The following ATAD2B variants were observed in gnomAD, a reference collection of about 807,000 sequenced individuals.
ATAD2B encodes ATPase family AAA domain containing 2B, also known as ATPase family AAA domain-containing protein 2B.
In ATAD2B, 40 loss-of-function variants were observed where a neutral mutation model predicts 167.6. The observed-to-expected ratio is 0.24, with a 90% confidence interval of 0.19 to 0.31. The LOEUF is 0.31. Ranked by LOEUF, ATAD2B falls within the 10% of genes least tolerant of loss-of-function variation. The pLI, the probability that ATAD2B is intolerant of heterozygous loss-of-function variation, is 1.00. For synonymous variants in ATAD2B, 579 were observed against 596.5 expected (o/e 0.97, Z 0.43); for missense variants, 1,242 against 1,757.2 (o/e 0.71, Z 5.24).
chr2:23,779,643 G>A (rs938894365), intron 22 of ATAD2B, among the ~76,000 whole-genome samples: 8 of 151,926 alleles, frequency 5.3e-5, no homozygotes, highest in Non-Finnish European at 8.8e-5. Context: ...ATTTATCAGC[G>A]TTTATAAAAG....
intron 18 of ATAD2B, among the ~76,000 whole-genome samples, chr2:23,807,905 TA>T (rs1256486988): frequency 4.5e-5 from 6 of 132,144 alleles, no homozygotes; most frequent in Non-Finnish European, 9.4e-5. Context: ...ATAAAATATA[TA>T]AATATAAATA....
the ATAD2B span, chr2:23,696,039 G>T: frequency 1.9e-6 from 3 of 1,551,752 alleles, no homozygotes; most frequent in South Asian, 3.6e-5. The surrounding 1 kb of genome is among the most constrained non-coding windows in gnomAD (Gnocchi z 5.5). Context: ...GCTGGAACCC[G>T]CAGAACAACA....
chr2:23,832,985 G>A (rs1472403706), intron 14 of ATAD2B, among the ~76,000 whole-genome samples: 1 of 152,156 alleles, frequency 6.6e-6, no homozygotes, highest in Non-Finnish European at 1.5e-5. Context: ...CTGCACTTGG[G>A]CAATGAAAAT....
chr2:23,683,719 G>C, the ATAD2B span, among the ~76,000 whole-genome samples: 137 of 152,342 alleles, frequency 9.0e-4, 1 homozygote, highest in African/African-American at 3.1e-3. Flanking sequence ...CCCCAGGAGA[G>C]GGTGGGTGTC....
In ATAD2B at chr2:23,792,962, C is replaced by CAAAAAAAAA. The variant is rs36015161; in HGVS notation, c.2641-4324_2641-4316dup. Among the ~76,000 whole-genome samples the CAAAAAAAAA allele has an allele frequency of 1.2e-3, 51 of 42,546 alleles. 5 individuals are homozygous for CAAAAAAAAA. Among genetic ancestry groups the CAAAAAAAAA allele is most frequent in the Non-Finnish European group, 1.5e-3 (38 of 25,922 alleles). The allele number at this position is 42,546 out of a possible 152,430, so 27.9% of individuals were successfully genotyped here. A position where few individuals can be genotyped will look rare whatever the true frequency, so the allele number is the denominator to read the frequency against. Reference sequence around the variant, plus strand: ...TGGGCAACAGCGAGAGACTCTGTCTCAAAAAAAAAAAAAAAAAAAAAAAAA... The same window carrying CAAAAAAAAA: ...TGGGCAACAGCGAGAGACTCTGTCTCAAAAAAAAAAAAAAAAAAAAAAAAAAAAAAAAAA... On this transcript the variant is annotated intron_variant, in intron 19 of 27. Coordinates refer to ENST00000238789, the MANE Select transcript of ATAD2B (RefSeq NM_017552.4).
the ATAD2B span, among the ~76,000 whole-genome samples, chr2:23,698,294 G>A: frequency 6.6e-6 from 1 of 152,202 alleles, no homozygotes; most frequent in Non-Finnish European, 1.5e-5. Flanking sequence ...TGTCCTTGCA[G>A]GGGCAGGATG....
intron 2 of ATAD2B, among the ~76,000 whole-genome samples, chr2:23,891,797 C>CCGGTTTTTTCTTTTCTTTTTTTTTTTT (rs1699549101): frequency 6.6e-6 from 1 of 152,096 alleles, no homozygotes; most frequent in African/African-American, 2.4e-5. Flanking sequence ...GCCGCTGCAC[C>CCGGTTTTTTCTTTTCTTTTTTTTTTTT]TAACCCTGTT....
At chr2:23,869,830 A>G (rs1419802863) in intron 8 of ATAD2B, 69 bp from the exon 9 acceptor site, 2 of 943,628 alleles carry the variant, frequency 2.1e-6, no homozygotes, top group African/African-American at 3.3e-5. Flanking sequence ...ACACTGTAAT[A>G]TCTACAATTA....
intron 1 of ATAD2B, among the ~76,000 whole-genome samples, chr2:23,923,069 T>C (rs1704196578): frequency 6.6e-6 from 1 of 152,190 alleles, no homozygotes; most frequent in African/African-American, 2.4e-5. Context: ...ATGTTCGCAG[T>C]AGCATTATTA....
intron 25 of ATAD2B, among the ~76,000 whole-genome samples, chr2:23,755,785 G>A (rs1171558078): frequency 6.6e-6 from 1 of 152,078 alleles, no homozygotes; most frequent in Non-Finnish European, 1.5e-5. Context: ...TCAAAAACAT[G>A]TATCATGATA....
intron 13 of ATAD2B, among the ~76,000 whole-genome samples, chr2:23,843,323 A>G (rs4233703): frequency 0.43 from 65,504 of 152,112 alleles, 15,231 homozygotes; most frequent in East Asian, 0.76. Context: ...AAAAAGACTG[A>G]AAAATGACAA....
rs541455330 is a variant in ATAD2B, at chr2:23,892,406, C to T, written c.368+3413G>A. Among the ~76,000 whole-genome samples the T allele has an allele frequency of 4.0e-3, 604 of 151,994 alleles. 5 individuals carry two copies. The highest frequency in any genetic ancestry group is 0.014 in the African/African-American group (565 of 41,506). On this transcript the variant is annotated intron_variant, in intron 2 of 27. Transcript: ENST00000238789. The stretch of plus-strand genomic sequence containing the variant: ...GTCTCTATCTCCTGACCTCGTGATC[C>T]GCCCGCCTCGGCCTCCCAAAGTGCT...
At chr2:23,780,182 A>G (rs1679784220) in intron 22 of ATAD2B, among the ~76,000 whole-genome samples, 1 of 151,940 alleles carries the variant, frequency 6.6e-6, no homozygotes, top group African/African-American at 2.4e-5. Flanking sequence ...CAGGAGACAA[A>G]GGTTGCAGTG....
At chr2:23,844,714 T>C (rs1691462970) in intron 13 of ATAD2B, among the ~76,000 whole-genome samples, 1 of 151,444 alleles carries the variant, frequency 6.6e-6, no homozygotes, top group African/African-American at 2.4e-5. Flanking sequence ...TAAAGCAAAA[T>C]TAACAAAGTT....
At chr2:23,912,627 T>C (rs779385369) in intron 1 of ATAD2B, among the ~76,000 whole-genome samples, 1 of 151,696 alleles carries the variant, frequency 6.6e-6, no homozygotes, top group Non-Finnish European at 1.5e-5. Flanking sequence ...TAAAATAAAA[T>C]TTACTTTAAA....
chr2:23,871,273 T>C (rs1057007147), intron 8 of ATAD2B, among the ~76,000 whole-genome samples: 4 of 151,532 alleles, frequency 2.6e-5, no homozygotes, highest in Non-Finnish European at 5.9e-5. Flanking sequence ...TTAACCACCC[T>C]CAGCTCTGCT....
Position 23,798,180 on chromosome 2 carries a change from T to C in ATAD2B, c.2598A>G (p.Leu866=). The C allele has an allele frequency of 1.9e-6, 3 of 1,601,490 alleles. No homozygotes were observed. Among genetic ancestry groups the C allele is most frequent in the Non-Finnish European group, 2.6e-6 (3 of 1,171,532 alleles). The change falls in exon 19 of 28, where the codon TTA becomes TTG. Residue 866 remains leucine, a synonymous_variant. Transcript: ENST00000238789. ...TGTACATGGTTTCAGAGGTAGACAA[T>C]AAAAATATAGGTGAAAATGATGGTA... ...QDIPSFSPIF[L]LSTSETMYSE...
chr2:23,716,696 G>C, the ATAD2B span, among the ~76,000 whole-genome samples: 1 of 152,118 alleles, frequency 6.6e-6, no homozygotes, highest in Non-Finnish European at 1.5e-5. Context: ...CTTTCTGTTG[G>C]ATAAACAAGA....
intron 18 of ATAD2B, among the ~76,000 whole-genome samples, chr2:23,807,907 A>ATTATAAATATATAAATATATTTATAATAT (rs1684741732): frequency 7.7e-6 from 1 of 129,350 alleles, no homozygotes; most frequent in Non-Finnish European, 1.6e-5. Context: ...AAAATATATA[A>ATTATAAATATATAAATATATTTATAATAT]ATATAAATAT....
Sources: gnomAD v4.1 joint callset for allele counts (sites outside exome capture counted in the v4.1 genomes callset) on GRCh38, gnomAD v4.1.1 for gene constraint, Gnocchi (gnomAD v3.1) non-coding constraint, MANE v1.5 for transcripts, NCBI Gene and HGNC (gene_info 2026-07-23, HGNC 2026-07-21) for gene names.